Variants in DGCR2 observed in about 807,000 individuals in gnomAD.
DGCR2 encodes the protein integral membrane protein DGCR2/IDD.
In DGCR2, 24 loss-of-function variants were observed where a neutral mutation model predicts 51.6. The ratio of observed to expected loss-of-function variants is 0.47; its 90% CI spans 0.34 to 0.65. DGCR2 has a LOEUF of 0.65. Ranked by LOEUF, DGCR2 falls within the 30% of genes least tolerant of loss-of-function variation. The pLI is 0.01. For synonymous variants in DGCR2, 340 were observed against 315.4 expected, an observed-to-expected ratio of 1.08 and a Z score of -0.82; for missense variants, 765 against 772.1, an observed-to-expected ratio of 0.99 and a Z score of 0.11.
At chr22:19,114,142 G>T (rs1168917177) in intron 1 of DGCR2, among the ~76,000 whole-genome samples, 20 of 111,814 alleles carry the variant, frequency 1.8e-4, no homozygotes, top group East Asian at 5.0e-4. Flanking sequence ...TCCATCTTTT[G>T]TTACCAAAGG....
chr22:19,040,069 G>A (rs55813720), intron 9 of DGCR2, among the ~76,000 whole-genome samples: 24,402 of 152,150 alleles, frequency 0.16, 2,202 homozygotes, highest in South Asian at 0.29. Flanking sequence ...AGGCCCCGGT[G>A]ATGCACCTCC....
chr22:19,086,933 G>A (rs943343927), intron 2 of DGCR2, among the ~76,000 whole-genome samples: 9 of 152,214 alleles, frequency 5.9e-5, no homozygotes, highest in African/African-American at 1.7e-4. Flanking sequence ...TATGTTCAGC[G>A]TGTGTAACAG....
intron 7 of DGCR2, chr22:19,048,182 C>T (rs758085307): frequency 7.6e-5 from 42 of 551,954 alleles, no homozygotes; most frequent in Non-Finnish European, 1.2e-4. Flanking sequence ...AACAGCCACA[C>T]TTGAGTTCAA....
At chr22:19,086,752 G>A (rs1408282748) in intron 2 of DGCR2, among the ~76,000 whole-genome samples, 1 of 152,098 alleles carries the variant, frequency 6.6e-6, no homozygotes, top group Admixed American at 6.6e-5. Flanking sequence ...TTCTGTCTAG[G>A]GAAAACATAT....
In DGCR2 at chr22:19,089,290, C is replaced by G. The variant is rs917979562; in HGVS notation, c.202+78G>C. ...TGTGTTAAGACAGCACACACCTCCA[C>G]CCCTCACAAGAGGCACAGTCACCCA... is the stretch of plus-strand genomic sequence containing the variant. On this transcript the variant is annotated intron_variant, in intron 2 of 9. Coordinates refer to ENST00000263196, the MANE Select transcript of DGCR2 (RefSeq NM_005137.3). The G allele has an allele frequency of 9.7e-6, 14 of 1,449,684 alleles. No homozygotes were observed. In the African/African-American group the frequency reaches 1.7e-4, roughly 18 times the overall value. The allele number at this position is 1,449,684 out of a possible 1,614,324, so 89.8% of individuals were successfully genotyped here.
intron 1 of DGCR2, among the ~76,000 whole-genome samples, chr22:19,091,998 G>A (rs1360493614): frequency 1.3e-5 from 2 of 151,870 alleles, no homozygotes; most frequent in Non-Finnish European, 2.9e-5. Context: ...GTTTTTTTGA[G>A]ATCAGTAATA....
At chr22:19,068,316 G>A in intron 2 of DGCR2, 91 bp from the exon 3 acceptor site, 1 of 1,372,970 alleles carries the variant, frequency 7.3e-7, no homozygotes, top group Non-Finnish European at 9.5e-7. Context: ...AGGGCTGCAA[G>A]GCCGGAGGGG....
rs141769676 is a variant in DGCR2, at chr22:19,064,911, C to A, written c.485G>T (p.Arg162Leu). 1.8e-4 allele frequency: 289 copies of A among 1,613,922 alleles called. No individual in the cohort carries two copies. The highest frequency in any genetic ancestry group is 2.3e-4 in the Non-Finnish European group (272 of 1,180,034). ...LATFSTDQEL[R>L]FVLAQEWDQP... ...GTCCCATTCCTGGGCCAGGACAAAG[C>A]GCAGCTCCTGGTCAGTGGAGAAGGT... Residue 162 changes from arginine (R) to leucine (L), a missense_variant, in exon 4 of 10, where the codon CGC (arginine) becomes CTC (leucine). Coordinates refer to ENST00000263196, the MANE Select transcript of DGCR2 (RefSeq NM_005137.3).
chr22:19,039,197 C>G, intron 9 of DGCR2, 76 bp from the exon 10 acceptor site: 1 of 1,567,966 alleles, frequency 6.4e-7, no homozygotes, highest in Non-Finnish European at 8.7e-7. Context: ...TAGGCAAAAC[C>G]AGGAGACACT....
At chr22:19,071,704 G>C (rs1457451484) in intron 2 of DGCR2, among the ~76,000 whole-genome samples, 2 of 152,166 alleles carry the variant, frequency 1.3e-5, no homozygotes, top group African/African-American at 4.8e-5. Context: ...GAATTAAAAG[G>C]GGAAAGAAAC....
chr22:19,121,016 AG>A (rs1423455250), intron 1 of DGCR2, among the ~76,000 whole-genome samples: 1 of 152,206 alleles, frequency 6.6e-6, no homozygotes, highest in Non-Finnish European at 1.5e-5. Flanking sequence ...GGCACTAGGG[AG>A]GAGGCAGACA....
rs116958360 is a variant in DGCR2 at position 19,079,011 on chromosome 22, T to C, written c.202+10357A>G. 5.7e-3 allele frequency among the ~76,000 whole-genome samples: 865 copies of C among 152,260 alleles called. 1 individual carries two copies. The highest frequency in any genetic ancestry group is 9.7e-3 in the Non-Finnish European group (657 of 67,998). On this transcript the variant is annotated intron_variant, in intron 2 of 9. Coordinates refer to ENST00000263196, the MANE Select transcript of DGCR2 (RefSeq NM_005137.3). Reference sequence around the variant, plus strand: ...GATTCAATCTCCTTATTAATTATAGTCCTATTCAGATTTTCTATTTCCTCA... The same window carrying C: ...GATTCAATCTCCTTATTAATTATAGCCCTATTCAGATTTTCTATTTCCTCA...
At chr22:19,064,743 G>A in intron 4 of DGCR2, 105 bp downstream of exon 4, 2 of 1,143,866 alleles carry the variant, frequency 1.7e-6, no homozygotes, top group Non-Finnish European at 2.5e-6. Flanking sequence ...CCAACCTGCT[G>A]TCTGCCAGCT....
At chr22:19,044,101 T>C (rs17743432) in intron 7 of DGCR2, among the ~76,000 whole-genome samples, 24,437 of 152,096 alleles carry the variant, frequency 0.16, 2,211 homozygotes, top group South Asian at 0.29. Context: ...TAACTCTTAA[T>C]CCGTTCTAAA....
At chr22:19,044,342 C>A (rs550456408) in intron 7 of DGCR2, among the ~76,000 whole-genome samples, 15 of 152,342 alleles carry the variant, frequency 9.8e-5, no homozygotes, top group African/African-American at 3.4e-4. Context: ...TCCTGCAGCT[C>A]CCAGAGAGAG....
rs761971920 is a variant in DGCR2, at chr22:19,068,200, A to T, written c.228T>A (p.His76Gln). 3 of 1,609,248 alleles carry T rather than the reference A, an allele frequency of 1.9e-6. No homozygotes were observed. In the South Asian group the frequency reaches 3.3e-5, roughly 18 times the overall value. ...GCGGATCCACAGCCTCCTTCCCATG[A>T]TGAGGACGCACCTCCCCGGTCACTT... ...CPEVTGEVRP[H>Q]HGKEAVDPRQ... Residue 76 changes from histidine to glutamine, a missense_variant, in exon 3 of 10, where the codon CAT becomes CAA. His to Gln is a conservative substitution (Grantham distance 24). Coordinates refer to ENST00000263196, the MANE Select transcript of DGCR2 (RefSeq NM_005137.3).
At chr22:19,052,605 T>A in intron 6 of DGCR2, among the ~76,000 whole-genome samples, 1 of 127,844 alleles carries the variant, frequency 7.8e-6, no homozygotes, top group Non-Finnish European at 1.7e-5. Flanking sequence ...AAATCCCGCC[T>A]CTACAAAAAA....
intron 1 of DGCR2, among the ~76,000 whole-genome samples, chr22:19,090,219 G>C (rs375144408): frequency 1.3e-5 from 2 of 152,232 alleles, no homozygotes; most frequent in African/African-American, 4.8e-5. Context: ...GTAAGCTGTG[G>C]AACAACCTCA....
At chr22:19,064,341 T>C (rs1376314714) in intron 4 of DGCR2, among the ~76,000 whole-genome samples, 1 of 152,252 alleles carries the variant, frequency 6.6e-6, no homozygotes, top group African/African-American at 2.4e-5. Context: ...CCTCCCTTTG[T>C]AGCTGCAGAA....
Sources: gnomAD v4.1 joint callset for allele counts (sites outside exome capture counted in the v4.1 genomes callset) on GRCh38, gnomAD v4.1.1 for gene constraint, MANE v1.5 for transcripts, NCBI Gene and HGNC (gene_info 2026-07-23, HGNC 2026-07-21) for gene names.